Variants in THUMPD2 observed in about 807,000 individuals in gnomAD.
THUMPD2 encodes the protein U6 snRNA (guanine-N(2))-methyltransferase THUMPD2.
In THUMPD2, 56 loss-of-function variants were observed where a neutral mutation model predicts 49.4. The ratio of observed to expected loss-of-function variants is 1.13; its 90% confidence interval spans 0.91 to 1.41. The LOEUF (loss-of-function observed/expected upper bound fraction) is 1.41. THUMPD2 is among the 40% of genes most tolerant of loss of function. The probability of loss-of-function intolerance (pLI) is 0.00; values close to 1 mark genes in which losing one functional copy is unlikely to be tolerated. For synonymous variants in THUMPD2, 237 were observed against 205.2 expected, an observed-to-expected ratio of 1.15 and a Z score of -1.32; for missense variants, 709 against 594.5, an observed-to-expected ratio of 1.19 and a Z score of -2.00.
chr2:39,768,306 C>T, intron 4 of THUMPD2, 118 bp downstream of exon 4: 3 of 810,106 alleles, frequency 3.7e-6, no homozygotes, highest in Non-Finnish European at 6.1e-6. Context: ...ACTGTTGGAT[C>T]CCTGTAGATA....
intron 9 of THUMPD2, among the ~76,000 whole-genome samples, chr2:39,739,682 A>G (rs1673646600): frequency 6.6e-6 from 1 of 152,210 alleles, no homozygotes; most frequent in Admixed American, 6.5e-5. Context: ...GAAGGGATAA[A>G]TGAATCTCCT....
rs1041360115 is a variant in THUMPD2 at position 39,779,216 on chromosome 2, T to G, written c.24A>C (p.Pro8=). 2.7e-6 allele frequency: 4 copies of G among 1,502,564 alleles called. No individual in the cohort carries two copies. The African/African-American group carries it at 4.4e-5, about 16-fold the overall frequency. 93.1% of individuals were successfully genotyped at this position (1,502,564 alleles called of 1,614,324 possible). A position where few individuals can be genotyped will look rare whatever the true frequency, so the allele number is the denominator to read the frequency against. ...GGGCGCCAGCCTCAGGCCCGGACCC[T>G]GGCTCTCCACGCGCCTCCGACATGG... is the stretch of plus-strand genomic sequence containing the variant. MSEARGE[P]GSGPEAGARF... is the part of the protein sequence containing the mutation. Residue 8 remains proline, a synonymous_variant, in exon 1 of 10, where the codon CCA becomes CCC. Transcript: ENST00000505747.
chr2:39,774,243 T>C (rs541179579), intron 1 of THUMPD2, among the ~76,000 whole-genome samples: 20 of 152,362 alleles, frequency 1.3e-4, no homozygotes, highest in African/African-American at 4.6e-4. Context: ...GGATAAATAA[T>C]TATCTTACTT....
Position 39,769,694 on chromosome 2 carries a change from T to A in THUMPD2, c.672+16A>T. ...CCAGCCTGGGCGACAGACTCCACTT[T>A]AGGATGCAAGCATACCTGTGCAGTG... On this transcript the variant is annotated intron_variant, in intron 3 of 9. Coordinates refer to ENST00000505747, the MANE Select transcript of THUMPD2 (RefSeq NM_025264.5). 1 of 1,493,838 alleles carries A rather than the reference T, an allele frequency of 6.7e-7. No homozygotes were observed. Among genetic ancestry groups the A allele is most frequent in the Non-Finnish European group, 8.9e-7 (1 of 1,128,640 alleles). The allele number at this position is 1,493,838 out of a possible 1,614,324, so 92.5% of individuals were successfully genotyped here. A position where few individuals can be genotyped will look rare whatever the true frequency, so the allele number is the denominator to read the frequency against.
chr2:39,740,931 T>C (rs1473944140), intron 9 of THUMPD2, among the ~76,000 whole-genome samples: 1 of 152,124 alleles, frequency 6.6e-6, no homozygotes, highest in African/African-American at 2.4e-5. Context: ...GGGCTAGTCT[T>C]GAATTCCTGG....
chr2:39,736,554 A>T lies in THUMPD2; in HGVS notation c.*181T>A, dbSNP rs1037262386. On this transcript the variant is annotated 3_prime_UTR_variant, in exon 10 of 10. Coordinates refer to ENST00000505747, the MANE Select transcript of THUMPD2 (RefSeq NM_025264.5). ...AACTTTTTTCTCAAAAACATTAAGT[A>T]CTTTAGAATATAAAGCAGAAACTCT... 2.1e-6 allele frequency: 1 copy of T among 481,934 alleles called. No individual in the cohort carries two copies. Among genetic ancestry groups the T allele is most frequent in the African/African-American group, 1.9e-5 (1 of 51,446 alleles). 29.9% of individuals were successfully genotyped at this position (481,934 alleles called of 1,614,324 possible).
In THUMPD2 at chr2:39,779,173, C is replaced by G; in HGVS notation, c.67G>C (p.Gly23Arg). ...EAGARFFCTA[G>R]RGLEPFVMRE... ...ATTACGAACGGCTCCAGGCCGCGACCCGCAGTGCAGAAGAATCGGGCGCCA... is the reference window on the plus strand; with the variant it reads ...ATTACGAACGGCTCCAGGCCGCGACGCGCAGTGCAGAAGAATCGGGCGCCA... The change falls in exon 1 of 10, where the codon GGT (glycine) becomes CGT (arginine). Residue 23 changes from glycine to arginine, a missense_variant. Coordinates refer to ENST00000505747, the MANE Select transcript of THUMPD2 (RefSeq NM_025264.5). 6.6e-7 allele frequency: 1 copy of G among 1,521,184 alleles called. No homozygotes were observed. Among genetic ancestry groups the G allele is most frequent in the Non-Finnish European group, 8.8e-7 (1 of 1,139,770 alleles). 94.2% of individuals were successfully genotyped at this position (1,521,184 alleles called of 1,614,324 possible).
At chr2:39,775,846 C>T (rs1250238954) in intron 1 of THUMPD2, among the ~76,000 whole-genome samples, 3 of 150,552 alleles carry the variant, frequency 2.0e-5, no homozygotes, top group South Asian at 2.1e-4. Flanking sequence ...GCAATTATTC[C>T]ATTAAATGAA....
At position 39,779,105 on chromosome 2, in the gene THUMPD2, C is replaced by T. The variant is rs1679521726; in HGVS notation, c.126+9G>A. On this transcript the variant is annotated intron_variant, in intron 1 of 9. Coordinates refer to ENST00000505747, the MANE Select transcript of THUMPD2 (RefSeq NM_025264.5). ...CCACCTCCCCAGGCGCGCAGCGAGG[C>T]CAACTCACCTGCGTGGCCGCCAGCC... The T allele has an allele frequency of 6.6e-7, 1 of 1,504,182 alleles. No homozygotes were observed. Among genetic ancestry groups the T allele is most frequent in the African/African-American group, 1.4e-5 (1 of 69,186 alleles). 93.2% of individuals were successfully genotyped at this position (1,504,182 alleles called of 1,614,324 possible). A position where few individuals can be genotyped will look rare whatever the true frequency, so the allele number is the denominator to read the frequency against.
At chr2:39,768,350 TATG>T in intron 4 of THUMPD2, 71 bp downstream of exon 4, 1 of 1,243,086 alleles carries the variant, frequency 8.0e-7, no homozygotes, top group Non-Finnish European at 1.2e-6. Context: ...AACGGAAAAG[TATG>T]ATAAGAATAC....
intron 1 of THUMPD2, among the ~76,000 whole-genome samples, chr2:39,777,620 G>A (rs184568164): frequency 1.7e-4 from 26 of 152,298 alleles, no homozygotes; most frequent in African/African-American, 6.3e-4. Context: ...AACTTTGAGA[G>A]TTCACTTTGT....
intron 1 of THUMPD2, among the ~76,000 whole-genome samples, chr2:39,776,395 T>C (rs1164742719): frequency 6.3e-5 from 3 of 47,950 alleles, no homozygotes; most frequent in African/African-American, 1.0e-4. Flanking sequence ...CAGTATACTA[T>C]TTTTTTTTTT....
chr2:39,766,663 C>A (rs925853971), intron 4 of THUMPD2, among the ~76,000 whole-genome samples: 6 of 152,138 alleles, frequency 3.9e-5, no homozygotes, highest in Non-Finnish European at 8.8e-5. Context: ...TAGTAGCCAA[C>A]ATAAATTTTA....
intron 9 of THUMPD2, among the ~76,000 whole-genome samples, chr2:39,741,495 C>G (rs1373985772): frequency 1.3e-5 from 2 of 152,178 alleles, no homozygotes; most frequent in African/African-American, 4.8e-5. Flanking sequence ...CACACAATGC[C>G]TTCTTCCTTC....
intron 6 of THUMPD2, 44 bp from the exon 7 acceptor site, chr2:39,756,004 GTACGTAC>G (rs1166568812): frequency 6.5e-7 from 1 of 1,537,310 alleles, no homozygotes; most frequent in South Asian, 1.1e-5. Context: ...GACTACCATA[GTACGTAC>G]TATAAAAGAA....
chr2:39,747,661 C>CT (rs1054653779), intron 8 of THUMPD2, among the ~76,000 whole-genome samples: 2 of 151,792 alleles, frequency 1.3e-5, no homozygotes, highest in East Asian at 1.9e-4. Flanking sequence ...TAATAAAAGA[C>CT]TTTTTTTTGA....
chr2:39,751,147 C>T (rs573904665), intron 8 of THUMPD2, among the ~76,000 whole-genome samples: 71 of 152,372 alleles, frequency 4.7e-4, no homozygotes, highest in African/African-American at 1.5e-3. Flanking sequence ...CTGGCAGCTT[C>T]ATGAATCTTG....
chr2:39,756,356 A>G (rs1305674641), intron 6 of THUMPD2, among the ~76,000 whole-genome samples: 2 of 152,008 alleles, frequency 1.3e-5, no homozygotes, highest in Admixed American at 6.6e-5. Flanking sequence ...CTATTATTTA[A>G]GTCAAATAAG....
chr2:39,765,911 T>A, intron 5 of THUMPD2, 146 bp downstream of exon 5: 1 of 682,534 alleles, frequency 1.5e-6, no homozygotes, highest in East Asian at 3.0e-5. Flanking sequence ...GTGAAAATAC[T>A]TTATTGTCTT....
Sources: allele counts gnomAD v4.1 joint callset (sites outside exome capture counted in the v4.1 genomes callset), GRCh38; gene constraint gnomAD v4.1.1; transcripts MANE v1.5; gene names NCBI Gene and HGNC (gene_info 2026-07-23, HGNC 2026-07-21).